PCDH15: variants seen among roughly 807,000 people sequenced by gnomAD.
The protein encoded by PCDH15 is protocadherin related 15, also known as protocadherin-15.
A neutral mutation model predicts 178.5 loss-of-function variants in PCDH15; 129 were observed. The observed-to-expected ratio is 0.72, with a 90% CI of 0.63 to 0.84. The LOEUF (loss-of-function observed/expected upper bound fraction) is 0.84. Among genes scored for constraint, PCDH15 ranks in the 40% least tolerant of loss-of-function variants. PCDH15 has a pLI of 0.00. For missense variants in PCDH15, 2,230 were observed against 2,099.9 expected (o/e 1.06, Z -1.21); for synonymous variants, 800 against 732.0 (o/e 1.09, Z -1.50).
chr10:54,680,836 C>T (rs1036009563), intron 1 of PCDH15, among the ~76,000 whole-genome samples: 3 of 152,134 alleles, frequency 2.0e-5, no homozygotes, highest in Non-Finnish European at 2.9e-5. Context: ...TTCCTTTATA[C>T]ATTATCCAGT....
At chr10:54,925,894 A>G (rs1376860825) in intron 2 of PCDH15, among the ~76,000 whole-genome samples, 1 of 152,104 alleles carries the variant, frequency 6.6e-6, no homozygotes, top group Non-Finnish European at 1.5e-5. Flanking sequence ...TCTTCTGCAA[A>G]CAGGGATAGT....
chr10:55,147,996 C>G (rs981319516), intron 2 of PCDH15, among the ~76,000 whole-genome samples: 1 of 151,686 alleles, frequency 6.6e-6, no homozygotes, highest in Non-Finnish European at 1.5e-5. Context: ...GGGAAAATAC[C>G]CTTTCTTCCT....
intron 18 of PCDH15, among the ~76,000 whole-genome samples, chr10:54,036,261 A>C (rs2135469035): frequency 6.6e-6 from 1 of 152,128 alleles, no homozygotes; most frequent in South Asian, 2.1e-4. Context: ...AATGTAGATA[A>C]AACAGTTTTC....
chr10:54,506,118 A>T (rs962300083), intron 3 of PCDH15, among the ~76,000 whole-genome samples: 2 of 152,148 alleles, frequency 1.3e-5, no homozygotes, highest in Non-Finnish European at 2.9e-5. Context: ...TTCATGAATC[A>T]GATCAGCTCT....
chr10:53,935,169 T>C (rs192398396), intron 25 of PCDH15, among the ~76,000 whole-genome samples: 106 of 151,378 alleles, frequency 7.0e-4, no homozygotes, highest in African/African-American at 2.1e-3. Context: ...GAATGAAAAA[T>C]TTAATTTAAA....
rs1022331648 is a variant in PCDH15 at position 55,435,703 on chromosome 10, CAG to C, written c.-156+191920_-156+191921del. ...TAACTTACAATGAGACAGGGAGAAA[CAG>C]AGAAAAAATATGAGAAATGAAAACA... On this transcript the variant is annotated intron_variant, in intron 2 of 5. Coordinates refer to the PCDH15 transcript ENST00000613346. Among the ~76,000 whole-genome samples the C allele has an allele frequency of 5.7e-3, 855 of 150,398 alleles. 14 individuals are homozygous for C. The highest frequency in any genetic ancestry group is 0.02 in the African/African-American group (813 of 40,078).
At chr10:54,930,096 T>C (rs1461204654) in intron 2 of PCDH15, among the ~76,000 whole-genome samples, 1 of 152,178 alleles carries the variant, frequency 6.6e-6, no homozygotes, top group Non-Finnish European at 1.5e-5. Flanking sequence ...ACCTGGGGGC[T>C]AGGCATGTTC....
At chr10:53,890,519 T>C (rs189141478) in intron 26 of PCDH15, among the ~76,000 whole-genome samples, 1 of 152,228 alleles carries the variant, frequency 6.6e-6, no homozygotes, top group African/African-American at 2.4e-5. Context: ...CAAATTACTA[T>C]GAGCCTCACT....
chr10:55,358,677 A>C (rs1164695639), intron 2 of PCDH15, among the ~76,000 whole-genome samples: 5 of 152,026 alleles, frequency 3.3e-5, no homozygotes, highest in Non-Finnish European at 1.5e-5. Context: ...CAGTAGATGG[A>C]ATTTTGGTTT....
intron 2 of PCDH15, among the ~76,000 whole-genome samples, chr10:55,064,159 C>T (rs1287504016): frequency 6.6e-6 from 1 of 152,074 alleles, no homozygotes; most frequent in Non-Finnish European, 1.5e-5. Context: ...AAAAGATTCT[C>T]AAGCAAGTGT....
chr10:54,078,908 C>T (rs1047048347), intron 17 of PCDH15, among the ~76,000 whole-genome samples: 1 of 152,116 alleles, frequency 6.6e-6, no homozygotes, highest in African/African-American at 2.4e-5. Context: ...AATCACTTTC[C>T]TAAGTGCTTA....
chr10:55,359,747 T>TATATATAC (rs1491280747), intron 2 of PCDH15, among the ~76,000 whole-genome samples: 1 of 81,662 alleles, frequency 1.2e-5, no homozygotes, highest in South Asian at 3.7e-4. Context: ...TATATATATA[T>TATATATAC]ACACACACAC....
At chr10:54,025,830 C>T (rs1249483628) in intron 18 of PCDH15, among the ~76,000 whole-genome samples, 2 of 151,936 alleles carry the variant, frequency 1.3e-5, no homozygotes, top group African/African-American at 2.4e-5. Flanking sequence ...CAATGGTGGT[C>T]AAGCCCCTCA....
chr10:54,471,104 T>C (rs2077888739), intron 3 of PCDH15, among the ~76,000 whole-genome samples: 1 of 152,230 alleles, frequency 6.6e-6, no homozygotes, highest in Admixed American at 6.6e-5. Context: ...TTCTGTATGT[T>C]ACATGTATTG....
chr10:55,459,506 T>C (rs1839626759), intron 2 of PCDH15, among the ~76,000 whole-genome samples: 1 of 152,230 alleles, frequency 6.6e-6, no homozygotes, highest in East Asian at 1.9e-4. Flanking sequence ...AACATTTGAA[T>C]GGCTTTAATG....
chr10:55,071,298 A>C (rs951847245), intron 2 of PCDH15, among the ~76,000 whole-genome samples: 9 of 151,108 alleles, frequency 6.0e-5, no homozygotes, highest in Non-Finnish European at 1.2e-4. Context: ...AAAGACACAG[A>C]CTGGCAAATT....
At chr10:53,808,664 G>A (rs1427588027) in intron 37 of PCDH15, 3 of 1,600,038 alleles carry the variant, frequency 1.9e-6, no homozygotes, top group Admixed American at 3.4e-5. Flanking sequence ...ACTCATCACA[G>A]CAAAACTTCC....
chr10:54,202,404 T>C (rs557243092), intron 10 of PCDH15, among the ~76,000 whole-genome samples: 1 of 151,964 alleles, frequency 6.6e-6, no homozygotes, highest in African/African-American at 2.4e-5. Flanking sequence ...CAAATGGCAT[T>C]CTCCTTTCAC....
rs927328590 is a variant in PCDH15 at position 54,464,336 on chromosome 10, C to T, written c.157+63476G>A. Among the ~76,000 whole-genome samples, 8 of 151,790 alleles carry T rather than the reference C, an allele frequency of 5.3e-5. No homozygotes were observed. In the East Asian group the frequency reaches 5.8e-4, roughly 11 times the overall value. ...TATAGAATTAAGTTTTCAAAAAGTT[C>T]GAAACAGAGTGCTTATATATAAATA... On this transcript the variant is annotated intron_variant, in intron 3 of 37. Transcript: ENST00000644397.
Sources: allele counts gnomAD v4.1 joint callset (sites outside exome capture counted in the v4.1 genomes callset), GRCh38; gene constraint gnomAD v4.1.1; transcripts MANE v1.5; gene names NCBI Gene and HGNC (gene_info 2026-07-23, HGNC 2026-07-21).